DTD1: variants seen among roughly 807,000 people sequenced by gnomAD.
The protein encoded by DTD1 is D-aminoacyl-tRNA deacylase 1, also known as D-tyrosyl-tRNA deacylase 1 homolog.
In DTD1, 13 loss-of-function variants were observed where a neutral mutation model predicts 25.6. The ratio of observed to expected loss-of-function variants is 0.51; its 90% CI spans 0.33 to 0.81. The LOEUF is 0.81. Ranked by LOEUF, DTD1 falls within the 30% of genes least tolerant of loss-of-function variation. The pLI, the probability that DTD1 is intolerant of heterozygous loss-of-function variation, is 0.02. For missense variants in DTD1, 193 were observed against 266.4 expected, an observed-to-expected ratio of 0.72 and a Z score of 1.92; for synonymous variants, 110 against 103.6, an observed-to-expected ratio of 1.06 and a Z score of -0.37.
intron 4 of DTD1, among the ~76,000 whole-genome samples, chr20:18,708,210 A>T (rs2061135637): frequency 4.8e-5 from 1 of 20,902 alleles, no homozygotes; most frequent in Non-Finnish European, 1.1e-4. Flanking sequence ...TATATATTTT[A>T]TATATATAAT....
intron 4 of DTD1, among the ~76,000 whole-genome samples, chr20:18,670,177 C>G (rs1467471343): frequency 6.6e-6 from 1 of 152,150 alleles, no homozygotes; most frequent in African/African-American, 2.4e-5. Context: ...GTCATTTTGG[C>G]TGGGTGCGGT....
At chr20:18,644,425 T>C (rs2060842944) in intron 4 of DTD1, among the ~76,000 whole-genome samples, 2 of 152,224 alleles carry the variant, frequency 1.3e-5, no homozygotes, top group South Asian at 4.1e-4. Flanking sequence ...CTCAAAACTA[T>C]GTAGCTTTCT....
intron 1 of DTD1, among the ~76,000 whole-genome samples, chr20:18,590,010 C>A (rs1156761805): frequency 2.0e-5 from 3 of 152,142 alleles, no homozygotes; most frequent in Admixed American, 2.0e-4. Flanking sequence ...TAAAATGTGG[C>A]TGGTTTCACT....
At chr20:18,630,452 C>CG (rs2060781431) in intron 4 of DTD1, 1 of 152,086 alleles carries the variant, frequency 6.6e-6, no homozygotes, top group Admixed American at 6.6e-5. Flanking sequence ...CTCCACCTCC[C>CG]GGGTTCATGC....
intron 4 of DTD1, among the ~76,000 whole-genome samples, chr20:18,734,416 C>CA (rs1399946888): frequency 1.3e-5 from 2 of 152,204 alleles, no homozygotes; most frequent in Non-Finnish European, 2.9e-5. Context: ...AGTTTGAGTG[C>CA]AAGTCTCCAT....
chr20:18,688,890 G>T (rs1343854469), intron 4 of DTD1, among the ~76,000 whole-genome samples: 1 of 152,060 alleles, frequency 6.6e-6, no homozygotes, highest in Non-Finnish European at 1.5e-5. Flanking sequence ...GGCCTGTGGG[G>T]GGTGGGGAGG....
chr20:18,723,044 T>C (rs2061210684), intron 4 of DTD1, among the ~76,000 whole-genome samples: 1 of 152,240 alleles, frequency 6.6e-6, no homozygotes. Context: ...TGTGTCTGGC[T>C]TGTGGAAAGA....
chr20:18,735,581 C>T (rs1309286287), intron 4 of DTD1, among the ~76,000 whole-genome samples: 1 of 152,202 alleles, frequency 6.6e-6, no homozygotes, highest in African/African-American at 2.4e-5. Flanking sequence ...AATTGATTGT[C>T]ACAATCTAAG....
chr20:18,637,947 CATCTTTTAA>C (rs995042591), intron 4 of DTD1, among the ~76,000 whole-genome samples: 13 of 152,200 alleles, frequency 8.5e-5, no homozygotes, highest in African/African-American at 3.1e-4. Context: ...ACATCTTCCC[CATCTTTTAA>C]GGTTCATTTC....
intron 3 of DTD1, among the ~76,000 whole-genome samples, chr20:18,617,581 G>A (rs2060714012): frequency 6.6e-6 from 1 of 151,942 alleles, no homozygotes; most frequent in South Asian, 2.1e-4. Flanking sequence ...GATTGAATAG[G>A]TAGTAGGATG....
rs80185319 is a variant in DTD1 at position 18,718,309 on chromosome 20, A to C, written c.478-25791A>C. On this transcript the variant is annotated intron_variant, in intron 4 of 5. Coordinates refer to ENST00000377452, the MANE Select transcript of DTD1 (RefSeq NM_080820.6). ...AGACAACCACTAGGACTGTGTGACC[A>C]TAGGGTGCTGTTACCTCCAGGTGGC... 2.9e-3 allele frequency among the ~76,000 whole-genome samples: 435 copies of C among 152,342 alleles called. 14 individuals are homozygous for C. The East Asian group carries it at 0.046, about 16-fold the overall frequency.
At chr20:18,684,412 G>A (rs2061008833) in intron 4 of DTD1, among the ~76,000 whole-genome samples, 1 of 152,114 alleles carries the variant, frequency 6.6e-6, no homozygotes, top group Admixed American at 6.5e-5. Flanking sequence ...TCAGCCTCTT[G>A]AGTAGCTGGG....
intron 5 of DTD1, among the ~76,000 whole-genome samples, chr20:18,759,373 A>G (rs946598777): frequency 1.3e-5 from 2 of 152,246 alleles, no homozygotes; most frequent in Admixed American, 6.5e-5. Context: ...AGTGGCTGGT[A>G]CCTTTGTTCC....
At chr20:18,727,405 G>A (rs1258136741) in intron 4 of DTD1, among the ~76,000 whole-genome samples, 1 of 152,124 alleles carries the variant, frequency 6.6e-6, no homozygotes, top group Non-Finnish European at 1.5e-5. Context: ...AAGGCGAGAG[G>A]AAGTGGGTGG....
intron 4 of DTD1, among the ~76,000 whole-genome samples, chr20:18,713,062 T>C (rs1456533181): frequency 6.6e-6 from 1 of 152,282 alleles, no homozygotes. Flanking sequence ...CAGAAGGGGC[T>C]GCTGGAGAGC....
intron 4 of DTD1, among the ~76,000 whole-genome samples, chr20:18,728,884 C>T (rs1287283781): frequency 1.3e-5 from 2 of 152,200 alleles, no homozygotes; most frequent in African/African-American, 4.8e-5. Context: ...ATTGTTAGCA[C>T]ACTTCCTCCC....
intron 4 of DTD1, 59 bp from the exon 5 acceptor site, chr20:18,744,041 G>T (rs1171176565): frequency 1.3e-6 from 2 of 1,516,610 alleles, no homozygotes; most frequent in Non-Finnish European, 1.8e-6. Flanking sequence ...CTGGTGTGTG[G>T]GATACACAGG....
At chr20:18,718,101 G>A (rs1452274493) in intron 4 of DTD1, among the ~76,000 whole-genome samples, 1 of 152,124 alleles carries the variant, frequency 6.6e-6, no homozygotes, top group African/African-American at 2.4e-5. Context: ...TTCTTAACCA[G>A]TCTTTACCAG....
chr20:18,700,430 A>T (rs1332488676), intron 4 of DTD1, among the ~76,000 whole-genome samples: 1 of 152,212 alleles, frequency 6.6e-6, no homozygotes, highest in East Asian at 1.9e-4. Flanking sequence ...GAAGATTATT[A>T]AAAAATAAAA....
Sources: gnomAD v4.1 joint callset for allele counts (sites outside exome capture counted in the v4.1 genomes callset) on GRCh38, gnomAD v4.1.1 for gene constraint, MANE v1.5 for transcripts, NCBI Gene and HGNC (gene_info 2026-07-23, HGNC 2026-07-21) for gene names.